Variants in CRACR2A observed in about 807,000 individuals in gnomAD.
CRACR2A encodes calcium release activated channel regulator 2A, also known as EF-hand calcium-binding domain-containing protein 4B.
Under a neutral mutation model 90.5 loss-of-function variants are expected in CRACR2A, and 79 were observed. The ratio of observed to expected loss-of-function variants is 0.87; its 90% CI spans 0.73 to 1.05. The LOEUF (loss-of-function observed/expected upper bound fraction) is 1.05. Ranked by LOEUF, CRACR2A falls within the 50% of genes least tolerant of loss-of-function variation. CRACR2A has a pLI of 0.00. For synonymous variants in CRACR2A, 338 were observed against 356.7 expected, an observed-to-expected ratio of 0.95 and a Z score of 0.59; for missense variants, 823 against 897.2, an observed-to-expected ratio of 0.92 and a Z score of 1.06.
intron 4 of CRACR2A, among the ~76,000 whole-genome samples, chr12:3,691,898 C>G (rs955107446): frequency 6.6e-6 from 1 of 152,222 alleles, no homozygotes; most frequent in African/African-American, 2.4e-5. Context: ...GAAAGCCAGT[C>G]TTCAAGCTCT....
intron 1 of CRACR2A, among the ~76,000 whole-genome samples, chr12:3,739,384 C>T (rs758521779): frequency 2.6e-5 from 4 of 152,164 alleles, no homozygotes; most frequent in African/African-American, 4.8e-5. Context: ...CAAATACCTA[C>T]GAATGCTCCC....
intron 17 of CRACR2A, among the ~76,000 whole-genome samples, chr12:3,622,630 A>G (rs1481448227): frequency 6.6e-6 from 1 of 150,434 alleles, no homozygotes; most frequent in Admixed American, 6.6e-5. Flanking sequence ...GCCTATGTGC[A>G]TGTGTGTGTG....
At chr12:3,621,915 C>T (rs1368118031) in intron 17 of CRACR2A, among the ~76,000 whole-genome samples, 1 of 151,936 alleles carries the variant, frequency 6.6e-6, no homozygotes, top group African/African-American at 2.4e-5. Context: ...CCCATAAGAC[C>T]AGGGAGTGTG....
chr12:3,658,255 C>T (rs769537022), intron 8 of CRACR2A, among the ~76,000 whole-genome samples: 7 of 152,138 alleles, frequency 4.6e-5, no homozygotes, highest in Admixed American at 1.3e-4. Flanking sequence ...TCCAAAATCA[C>T]GTCTTTTCCT....
Position 3,716,326 on chromosome 12 carries a change from A to G in CRACR2A, c.-117-3009T>C, listed in dbSNP as rs538029362. Among the ~76,000 whole-genome samples, 6 of 152,264 alleles carry G rather than the reference A, an allele frequency of 3.9e-5. No individual in the cohort carries two copies. The South Asian group carries it at 1.2e-3, about 32-fold the overall frequency. On this transcript the variant is annotated intron_variant, in intron 2 of 19. Transcript: ENST00000440314. Reference sequence around the variant, plus strand: ...AAAGCCCTGTTTCATCCCCTGTTACAGTTCTTCAAAGAAGTCCTTCAGGGT... The same window carrying G: ...AAAGCCCTGTTTCATCCCCTGTTACGGTTCTTCAAAGAAGTCCTTCAGGGT...
intron 17 of CRACR2A, among the ~76,000 whole-genome samples, chr12:3,620,789 C>T (rs1036510002): frequency 1.3e-5 from 2 of 152,212 alleles, no homozygotes; most frequent in Non-Finnish European, 2.9e-5. Context: ...AATGATGACT[C>T]AAAGGCGCTA....
At chr12:3,683,725 C>T (rs1022665352) in intron 4 of CRACR2A, among the ~76,000 whole-genome samples, 3 of 152,252 alleles carry the variant, frequency 2.0e-5, no homozygotes, top group East Asian at 1.9e-4. Flanking sequence ...GGACCTCATT[C>T]GTTAGGCACT....
intron 13 of CRACR2A, among the ~76,000 whole-genome samples, chr12:3,641,197 A>C (rs1944563015): frequency 6.6e-6 from 1 of 152,260 alleles, no homozygotes; most frequent in South Asian, 2.1e-4. Context: ...TACAAAAATT[A>C]GATGGGCGTG....
At chr12:3,730,632 T>C (rs1054363252) in intron 2 of CRACR2A, 1 of 152,046 alleles carries the variant, frequency 6.6e-6, no homozygotes, top group Non-Finnish European at 1.5e-5. Context: ...AAAAAAAGAA[T>C]GAGGAAGCTC....
chr12:3,640,297 A>G (rs1944541597), intron 13 of CRACR2A: 1 of 170,852 alleles, frequency 5.9e-6, no homozygotes. Flanking sequence ...TCAACCAGAA[A>G]TTCAATGACA....
At position 3,648,535 on chromosome 12, in the gene CRACR2A, G is replaced by A. The variant is rs143542484; in HGVS notation, c.1118+7C>T. The A allele has an allele frequency of 7.4e-6, 12 of 1,614,164 alleles. No homozygotes were observed. Among genetic ancestry groups the A allele is most frequent in the Middle Eastern group, 3.3e-4 (2 of 6,062 alleles). On this transcript the variant is annotated splice_region_variant and intron_variant, in intron 11 of 19. Transcript: ENST00000440314. ...CTCTCAGCACAGGCCAGTGCCCACC[G>A]ACGCACCTTAGGAAATCCAGCTGCT... is the stretch of plus-strand genomic sequence containing the variant.
At chr12:3,739,919 C>T (rs1310597326) in intron 1 of CRACR2A, among the ~76,000 whole-genome samples, 4 of 125,366 alleles carry the variant, frequency 3.2e-5, no homozygotes, top group South Asian at 2.9e-4. Context: ...GGCGACAGAG[C>T]GACTCCGTCT....
rs73245930 is a variant in CRACR2A, at chr12:3,654,119, A to G, written c.1046+93T>C. The stretch of plus-strand genomic sequence containing the variant: ...AAGCCCAAATCCTCTTTTCACAGGC[A>G]AGGAGACAGGGTCTCTGAGCGGCGA... On this transcript the variant is annotated intron_variant, in intron 10 of 19. Coordinates refer to ENST00000440314, the MANE Select transcript of CRACR2A (RefSeq NM_001144958.2). 2,950 of 1,455,668 alleles carry G rather than the reference A, an allele frequency of 2.0e-3. 50 individuals carry two copies. The African/African-American group carries it at 0.038, about 19-fold the overall frequency. 90.2% of individuals were successfully genotyped at this position (1,455,668 alleles called of 1,614,324 possible).
intron 2 of CRACR2A, among the ~76,000 whole-genome samples, chr12:3,720,049 G>A (rs1053055077): frequency 6.6e-6 from 1 of 151,496 alleles, no homozygotes; most frequent in Non-Finnish European, 1.5e-5. Context: ...AACCCAGGAG[G>A]CAGAAGTTGC....
chr12:3,649,422 G>A (rs1329175324), intron 10 of CRACR2A, among the ~76,000 whole-genome samples: 1 of 152,116 alleles, frequency 6.6e-6, no homozygotes, highest in Non-Finnish European at 1.5e-5. Context: ...GGTTCAGTAT[G>A]TTTTTAGGAG....
chr12:3,707,751 A>C (rs1945950145), intron 3 of CRACR2A, among the ~76,000 whole-genome samples: 1 of 152,248 alleles, frequency 6.6e-6, no homozygotes, highest in African/African-American at 2.4e-5. Context: ...AAGAGGACAA[A>C]TTGCTCATGT....
chr12:3,635,953 ATAT>A lies in CRACR2A; in HGVS notation c.1602+2168_1602+2170del, dbSNP rs578229602. The stretch of plus-strand genomic sequence containing the variant: ...ATAAAATTTTATCCTACTTTATCAT[ATAT>A]TATTAACTTACAAATTTTTTTAGTC... On this transcript the variant is annotated intron_variant, in intron 14 of 19. Transcript: ENST00000440314. Among the ~76,000 whole-genome samples the A allele has an allele frequency of 1.3e-3, 202 of 152,334 alleles. 1 individual carries two copies. The highest frequency in any genetic ancestry group is 4.6e-3 in the African/African-American group (190 of 41,562).
chr12:3,639,965 T>C (rs1412093319), intron 13 of CRACR2A, among the ~76,000 whole-genome samples: 1 of 152,242 alleles, frequency 6.6e-6, no homozygotes, highest in Non-Finnish European at 1.5e-5. Flanking sequence ...CACAAGTGAC[T>C]ATTTGTATGT....
At chr12:3,700,369 T>A (rs1945816989) in intron 3 of CRACR2A, among the ~76,000 whole-genome samples, 2 of 152,218 alleles carry the variant, frequency 1.3e-5, no homozygotes, top group Admixed American at 6.5e-5. Flanking sequence ...GTGCCCTGTC[T>A]TATTATCTAA....
Sources: gnomAD v4.1 joint callset for allele counts (sites outside exome capture counted in the v4.1 genomes callset) on GRCh38, gnomAD v4.1.1 for gene constraint, MANE v1.5 for transcripts, NCBI Gene and HGNC (gene_info 2026-07-23, HGNC 2026-07-21) for gene names.